PHF10: variants seen among roughly 807,000 people sequenced by gnomAD.
PHF10 encodes the protein BRG1-associated factor 45a.
PHF10 carries 51 observed loss-of-function variants against 68.5 expected under a neutral mutation model. That is an observed-to-expected ratio of 0.74 (90% CI 0.59 to 0.94). The LOEUF (loss-of-function observed/expected upper bound fraction) is 0.94, where lower values mean the gene tolerates loss of function less well. Ranked by LOEUF, PHF10 falls within the 40% of genes least tolerant of loss-of-function variation. The probability of loss-of-function intolerance (pLI) is 0.00; values close to 1 mark genes in which losing one functional copy is unlikely to be tolerated. For synonymous variants in PHF10, 204 were observed against 203.5 expected (o/e 1.00, Z -0.02); for missense variants, 460 against 602.6 (o/e 0.76, Z 2.48).
At chr6:169,708,754 C>A (rs1788863156) in intron 9 of PHF10, 1 of 152,054 alleles carries the variant, frequency 6.6e-6, no homozygotes. Context: ...CTCTTTTTAA[C>A]CCATGATCAA....
chr6:169,723,983 G>GGCC lies in PHF10; in HGVS notation c.-55_-53dup, dbSNP rs1206663921. 66 of 507,298 alleles carry GGCC rather than the reference G, an allele frequency of 1.3e-4. No homozygotes were observed. Among genetic ancestry groups the GGCC allele is most frequent in the South Asian group, 5.6e-4 (7 of 12,474 alleles). 31.4% of individuals were successfully genotyped at this position (507,298 alleles called of 1,614,324 possible). A position where few individuals can be genotyped will look rare whatever the true frequency, so the allele number is the denominator to read the frequency against. ...GCCGCCGTCGCCTCCGCCTTGTCCC[G>GGCC]GCCGCCGCCGCCGCTGCCGCCGCCG... On this transcript the variant is annotated 5_prime_UTR_variant, in exon 1 of 12. Coordinates refer to ENST00000339209, the MANE Select transcript of PHF10 (RefSeq NM_018288.4).
chr6:169,713,800 G>A (rs1788982099), intron 7 of PHF10, among the ~76,000 whole-genome samples: 1 of 152,076 alleles, frequency 6.6e-6, no homozygotes, highest in Admixed American at 6.5e-5. Flanking sequence ...TCCAGAGTAA[G>A]GCTTAAGGTT....
intron 9 of PHF10, chr6:169,707,197 T>C (rs2128328977): frequency 6.6e-6 from 1 of 152,324 alleles, no homozygotes; most frequent in East Asian, 1.9e-4. Flanking sequence ...TGTATGTATA[T>C]TTTTATACCC....
intron 11 of PHF10, 148 bp downstream of exon 11, chr6:169,704,985 A>C (rs1788726867): frequency 1.9e-6 from 1 of 513,570 alleles, no homozygotes; most frequent in Non-Finnish European, 3.4e-6. Context: ...AAGCTGGTGG[A>C]CATGACCTGT....
intron 8 of PHF10, 57 bp downstream of exon 8, chr6:169,712,329 T>C (rs1788941911): frequency 7.0e-7 from 1 of 1,432,726 alleles, no homozygotes; most frequent in Non-Finnish European, 9.8e-7. Flanking sequence ...AGAAATTCAA[T>C]GTAACAAAAA....
chr6:169,724,342 C>CGCCTCAGCCCCGCCGCTCGCTA lies in PHF10; in HGVS notation c.-412_-411insTAGCGAGCGGCGGGGCTGAGGC, dbSNP rs1789272687. ...ACTCCCTTCAGCCCCGCCACTCGCTCGCCTCAGCCCCGCCGCTCGCTCGCC... is the reference window on the plus strand; with the variant it reads ...ACTCCCTTCAGCCCCGCCACTCGCTCGCCTCAGCCCCGCCGCTCGCTAGCCTCAGCCCCGCCGCTCGCTCGCC... On this transcript the variant is annotated 5_prime_UTR_variant, in exon 1 of 12. Transcript: ENST00000339209. Among the ~76,000 whole-genome samples the CGCCTCAGCCCCGCCGCTCGCTA allele has an allele frequency of 9.0e-5, 13 of 144,544 alleles. No homozygotes were observed. The highest frequency in any genetic ancestry group is 7.5e-4 in the Admixed American group (11 of 14,574). The allele number at this position is 144,544 out of a possible 152,430, so 94.8% of individuals were successfully genotyped here. A position where few individuals can be genotyped will look rare whatever the true frequency, so the allele number is the denominator to read the frequency against.
intron 11 of PHF10, 69 bp downstream of exon 11, chr6:169,705,064 G>T: frequency 8.4e-7 from 1 of 1,187,034 alleles, no homozygotes; most frequent in Non-Finnish European, 1.2e-6. Flanking sequence ...TAGCGTTTAT[G>T]CAGCCTTTTG....
Position 169,705,193 on chromosome 6 carries a change from A to G in PHF10, c.1351T>C (p.Cys451Arg). The G allele has an allele frequency of 6.2e-7, 1 of 1,613,930 alleles. No individual in the cohort carries two copies. Among genetic ancestry groups the G allele is most frequent in the Non-Finnish European group, 8.5e-7 (1 of 1,179,852 alleles). ...TGATAACCTCTGTCACACATATCAC[A>G]GAACATCATTTCTTCTTCATGGTGG... ...QPHHEEEMMF[C>R]DMCDRGYHTF... The change falls in exon 11 of 12, where the codon TGT becomes CGT. Residue 451 changes from cysteine (C) to arginine (R), a missense_variant. Coordinates refer to ENST00000339209, the MANE Select transcript of PHF10 (RefSeq NM_018288.4).
In PHF10 at chr6:169,709,078, A is replaced by C. The variant is rs183483446; in HGVS notation, c.1113+1158T>G. The C allele has an allele frequency of 2.2e-4, 34 of 152,356 alleles. No homozygotes were observed. In the East Asian group the frequency reaches 6.5e-3, roughly 29 times the overall value. 9.4% of individuals were successfully genotyped at this position (152,356 alleles called of 1,614,324 possible). A position where few individuals can be genotyped will look rare whatever the true frequency, so the allele number is the denominator to read the frequency against. ...ATTTGCTTGCTATAGGCTACAAAAA[A>C]AAAAAAGAATTTTTAAGTTAATTAC... On this transcript the variant is annotated intron_variant, in intron 9 of 11. Transcript: ENST00000339209.
intron 9 of PHF10, among the ~76,000 whole-genome samples, chr6:169,706,727 T>TACACACACAC (rs55829134): frequency 5.5e-5 from 7 of 127,374 alleles, no homozygotes; most frequent in South Asian, 2.7e-4. Context: ...CATACATACA[T>TACACACACAC]ACACACACAC....
chr6:169,716,435 TA>T (rs910838839), intron 4 of PHF10, among the ~76,000 whole-genome samples: 21 of 150,784 alleles, frequency 1.4e-4, no homozygotes, highest in Admixed American at 4.0e-4. Context: ...ACTAGATGAA[TA>T]AAAAAAAATT....
chr6:169,712,640 C>A, intron 7 of PHF10, 101 bp from the exon 8 acceptor site: 2 of 979,396 alleles, frequency 2.0e-6, no homozygotes, highest in East Asian at 2.7e-5. Context: ...TGAGTAACCC[C>A]GAAGACTTTT....
At chr6:169,706,723 TACATACACAC>T (rs1309780546) in intron 9 of PHF10, among the ~76,000 whole-genome samples, 524 of 72,482 alleles carry the variant, frequency 7.2e-3, no homozygotes, top group African/African-American at 0.019. Flanking sequence ...CATACATACA[TACATACACAC>T]ACACACACAC....
intron 7 of PHF10, 38 bp downstream of exon 7, chr6:169,714,695 A>G (rs187763905): frequency 4.2e-5 from 44 of 1,038,412 alleles, no homozygotes; most frequent in Non-Finnish European, 5.9e-5. Context: ...ACCCCTTACC[A>G]ATAGCCGATA....
chr6:169,715,598 A>C (rs1031207989), intron 6 of PHF10, 110 bp downstream of exon 6: 9 of 950,870 alleles, frequency 9.5e-6, no homozygotes, highest in African/African-American at 6.6e-5. Context: ...AAACAAAAAA[A>C]ACACACACAC....
chr6:169,718,928 G>C lies in PHF10; in HGVS notation c.195-10C>G, dbSNP rs1466465606. 3 of 1,524,288 alleles carry C rather than the reference G, an allele frequency of 2.0e-6. No homozygotes were observed. The highest frequency in any genetic ancestry group is 1.8e-4 in the Middle Eastern group (1 of 5,702). The allele number at this position is 1,524,288 out of a possible 1,614,324, so 94.4% of individuals were successfully genotyped here. A position where few individuals can be genotyped will look rare whatever the true frequency, so the allele number is the denominator to read the frequency against. On this transcript the variant is annotated splice_polypyrimidine_tract_variant and intron_variant, in intron 2 of 11. Coordinates refer to ENST00000339209, the MANE Select transcript of PHF10 (RefSeq NM_018288.4). ...TGGATAGTAACTAAAACTAAGTACA[G>C]AAATACATATTATGCATTAAATGTA...
intron 2 of PHF10, among the ~76,000 whole-genome samples, chr6:169,720,578 T>C (rs938587217): frequency 6.6e-6 from 1 of 152,180 alleles, no homozygotes; most frequent in African/African-American, 2.4e-5. Flanking sequence ...ATGGTTCCAC[T>C]TATATGAAGT....
intron 1 of PHF10, 33 bp downstream of exon 1, chr6:169,723,812 G>A (rs1162451446): frequency 7.6e-6 from 6 of 785,222 alleles, no homozygotes; most frequent in Non-Finnish European, 8.2e-6. Context: ...CCGGGACGGG[G>A]TCAGGGTCGG....
rs751452816 is a variant in PHF10 at position 169,712,372 on chromosome 6, A to G, written c.957+14T>C. 47 of 1,610,344 alleles carry G rather than the reference A, an allele frequency of 2.9e-5. No homozygotes were observed. The highest frequency in any genetic ancestry group is 3.7e-5 in the Non-Finnish European group (44 of 1,177,042). On this transcript the variant is annotated intron_variant, in intron 8 of 11. Transcript: ENST00000339209. ...AGAAAGGAAATGCTTCCTACTAGAG[A>G]GAAATGTTCTCACCGAAGTGCCTTT...
Sources: gnomAD v4.1 joint callset for allele counts (sites outside exome capture counted in the v4.1 genomes callset) on GRCh38, gnomAD v4.1.1 for gene constraint, MANE v1.5 for transcripts, NCBI Gene and HGNC (gene_info 2026-07-23, HGNC 2026-07-21) for gene names.